DUSP13B: variants seen among roughly 807,000 people sequenced by gnomAD.
DUSP13B encodes dual specificity phosphatase 13B, also known as dual specificity protein phosphatase 13B.
the DUSP13B span, chr10:75,108,254 A>C: frequency 2.6e-6 from 4 of 1,549,788 alleles, no homozygotes; most frequent in Non-Finnish European, 3.5e-6. Flanking sequence ...AAGCCATGGG[A>C]CCAGGAGGGA....
At chr10:75,095,638 C>A in the DUSP13B span, 21 of 1,614,136 alleles carry the variant, frequency 1.3e-5, no homozygotes, top group Non-Finnish European at 1.7e-5. Flanking sequence ...ACACTGAGGT[C>A]GAAGAAGGGG....
At chr10:75,098,999 C>G in the DUSP13B span, 3 of 1,232,340 alleles carry the variant, frequency 2.4e-6, no homozygotes, top group Non-Finnish European at 2.0e-6. Context: ...GAGCCACACA[C>G]CTGCCTACAG....
the DUSP13B span, among the ~76,000 whole-genome samples, chr10:75,101,517 C>T: frequency 5.3e-5 from 8 of 152,206 alleles, no homozygotes; most frequent in Non-Finnish European, 8.8e-5. Context: ...CAAGGATGTA[C>T]TATGTGCCAG....
chr10:75,094,688 C>G, the DUSP13B span: 3 of 1,613,934 alleles, frequency 1.9e-6, no homozygotes, highest in Admixed American at 1.7e-5. Flanking sequence ...AGAACCGCCC[C>G]GTCTCCCGCC....
the DUSP13B span, chr10:75,109,009 G>GC: frequency 6.2e-7 from 1 of 1,600,436 alleles, no homozygotes; most frequent in South Asian, 1.1e-5. Context: ...TACCACTCAC[G>GC]CATCTCCTAT....
chr10:75,100,490 C>T, the DUSP13B span, among the ~76,000 whole-genome samples: 6 of 152,268 alleles, frequency 3.9e-5, no homozygotes, highest in Admixed American at 3.3e-4. Context: ...GTGGCAGCTC[C>T]GCCGGTTTCT....
chr10:75,097,682 A>G, the DUSP13B span: 1 of 1,517,468 alleles, frequency 6.6e-7, no homozygotes, highest in African/African-American at 1.4e-5. Context: ...CCCTTCCGCC[A>G]TCCCCACTCC....
chr10:75,094,554 T>G, the DUSP13B span: 1 of 1,122,326 alleles, frequency 8.9e-7, no homozygotes, highest in South Asian at 1.6e-5. Flanking sequence ...TATCCCTGCC[T>G]CTGCCTCAGC....
At chr10:75,102,441 TCAAAAAGAAAAAAAGAAAAAA>T in the DUSP13B span, among the ~76,000 whole-genome samples, 12 of 151,390 alleles carry the variant, frequency 7.9e-5, no homozygotes, top group East Asian at 1.8e-3. Context: ...AGACTCCGTC[TCAAAAAGAAAAAAAGAAAAAA>T]CAAAAAGAAA....
At chr10:75,094,747 G>A in the DUSP13B span, 1 of 1,614,192 alleles carries the variant, frequency 6.2e-7, no homozygotes, top group South Asian at 1.1e-5. Context: ...CCTGAGTTAG[G>A]GCAGATATTG....
At chr10:75,101,766 ACCCC>A in the DUSP13B span, 1 of 748,172 alleles carries the variant, frequency 1.3e-6, no homozygotes, top group Non-Finnish European at 2.1e-6. Context: ...CCCAACCCAA[ACCCC>A]ACCCCTCCCC....
the DUSP13B span, among the ~76,000 whole-genome samples, chr10:75,107,284 G>A: frequency 6.6e-6 from 1 of 151,926 alleles, no homozygotes; most frequent in African/African-American, 2.4e-5. Context: ...GAACCCAGGA[G>A]GCGGAGGAGC....
At chr10:75,106,203 A>G in the DUSP13B span, among the ~76,000 whole-genome samples, 1 of 150,692 alleles carries the variant, frequency 6.6e-6, no homozygotes, top group Non-Finnish European at 1.5e-5. Flanking sequence ...TGGCCTCCCA[A>G]AGTGTTGGGA....
At chr10:75,097,746 C>T in the DUSP13B span, 226 of 1,612,006 alleles carry the variant, frequency 1.4e-4, 1 homozygote, top group Non-Finnish European at 1.5e-4. Flanking sequence ...CAGACCTCAT[C>T]GATATGGTTC....
chr10:75,099,021 T>C, the DUSP13B span: 7 of 1,232,256 alleles, frequency 5.7e-6, no homozygotes, highest in African/African-American at 1.1e-4. Flanking sequence ...CCCTGGGTTT[T>C]CCTCCTTACC....
the DUSP13B span, chr10:75,103,837 T>A: frequency 8.1e-7 from 1 of 1,230,032 alleles, no homozygotes; most frequent in Non-Finnish European, 1.1e-6. Flanking sequence ...CCCAGGGAAC[T>A]TGGGGTCCCT....
chr10:75,103,822 A>T, the DUSP13B span: 2 of 1,185,122 alleles, frequency 1.7e-6, no homozygotes, highest in Non-Finnish European at 1.1e-6. Context: ...TCCCCTCCCC[A>T]CTTTCCCAGG....
the DUSP13B span, among the ~76,000 whole-genome samples, chr10:75,098,816 C>T: frequency 5.3e-5 from 8 of 152,154 alleles, no homozygotes; most frequent in Non-Finnish European, 8.8e-5. Context: ...CCTATTTTAC[C>T]CAGGAGGAAG....
the DUSP13B span, among the ~76,000 whole-genome samples, chr10:75,103,291 G>A: frequency 6.6e-6 from 1 of 152,240 alleles, no homozygotes; most frequent in African/African-American, 2.4e-5. Context: ...CGATGGGACA[G>A]GTCCAGGATA....
Sources: allele counts gnomAD v4.1 joint callset (sites outside exome capture counted in the v4.1 genomes callset), GRCh38; gene constraint gnomAD v4.1.1; transcripts MANE v1.5; gene names NCBI Gene and HGNC (gene_info 2026-07-23, HGNC 2026-07-21).